The following CASZ1 variants were observed in gnomAD, a reference collection of about 807,000 sequenced individuals.
The protein encoded by CASZ1 is zinc finger protein castor homolog 1.
CASZ1 carries 28 observed loss-of-function variants against 135.2 expected under a neutral mutation model. That is an observed-to-expected ratio of 0.21 (90% CI 0.15 to 0.28). The LOEUF is 0.28. Among genes scored for constraint, CASZ1 ranks in the 10% least tolerant of loss-of-function variants. The pLI, the probability that CASZ1 is intolerant of heterozygous loss-of-function variation, is 1.00. For synonymous variants in CASZ1, 1,068 were observed against 1,073.4 expected, an observed-to-expected ratio of 0.99 and a Z score of 0.10; for missense variants, 2,161 against 2,453.3, an observed-to-expected ratio of 0.88 and a Z score of 2.52.
At chr1:10,668,490 C>T (rs115689695) in intron 4 of CASZ1, among the ~76,000 whole-genome samples, 8,262 of 152,280 alleles carry the variant, frequency 0.054, 348 homozygotes, top group African/African-American at 0.11. Flanking sequence ...GGTGGGAAGG[C>T]GAGGGGACTC....
Position 10,649,071 on chromosome 1 carries a change from T to G in CASZ1, c.3157A>C (p.Asn1053His). The change falls in exon 15 of 21, where the codon AAC becomes CAC. Residue 1053 changes from asparagine (N) to histidine (H), a missense_variant and splice_region_variant. Asn to His is a moderately conservative substitution (Grantham distance 68). Around this residue, in one of 7 missense-constraint regions of CASZ1, gnomAD observed 349 missense variants for 460.8 expected, o/e 0.76. Coordinates refer to ENST00000377022, the MANE Select transcript of CASZ1 (RefSeq NM_001079843.3). ...STLDGAIKHANFHFRTEGGAA... is the reference protein window; with the variant it reads ...STLDGAIKHAHFHFRTEGGAA... Reference sequence around the variant, plus strand: ...AATGGCCCCCAGCACCCTACTCACTTTGCGTGCTTGATGGCCCCGTCCAAG... The same window carrying G: ...AATGGCCCCCAGCACCCTACTCACTGTGCGTGCTTGATGGCCCCGTCCAAG... 1 of 1,612,884 alleles carries G rather than the reference T, an allele frequency of 6.2e-7. No homozygotes were observed. The highest frequency in any genetic ancestry group is 8.5e-7 in the Non-Finnish European group (1 of 1,179,930).
intron 1 of CASZ1, among the ~76,000 whole-genome samples, chr1:10,786,571 T>A (rs1340860421): frequency 1.3e-5 from 2 of 152,238 alleles, no homozygotes; most frequent in Non-Finnish European, 2.9e-5. Flanking sequence ...AGACATGTGG[T>A]CCTAACATTT....
intron 3 of CASZ1, among the ~76,000 whole-genome samples, chr1:10,696,183 T>C (rs201143287): frequency 8.5e-5 from 13 of 152,354 alleles, no homozygotes; most frequent in Middle Eastern, 3.4e-3. Flanking sequence ...CTGCTTGCTC[T>C]ATAGTTCTAA....
At chr1:10,712,710 C>T (rs564830754) in intron 2 of CASZ1, among the ~76,000 whole-genome samples, 179 of 152,284 alleles carry the variant, frequency 1.2e-3, no homozygotes, top group African/African-American at 3.9e-3. Flanking sequence ...AAGGGACCTC[C>T]CCTTAGGACC....
chr1:10,722,544 A>G (rs1193066900), intron 2 of CASZ1, among the ~76,000 whole-genome samples: 2 of 152,070 alleles, frequency 1.3e-5, no homozygotes, highest in Admixed American at 6.5e-5. Flanking sequence ...TCTTCCTATC[A>G]CCTTCCCAGA....
intron 2 of CASZ1, among the ~76,000 whole-genome samples, chr1:10,760,176 G>A (rs1640346523): frequency 6.6e-6 from 1 of 152,212 alleles, no homozygotes; most frequent in East Asian, 1.9e-4. Context: ...ACTGAAGAGA[G>A]CCTGATAAAT....
chr1:10,643,371 G>T, intron 18 of CASZ1, 60 bp from the exon 19 acceptor site: 1 of 1,576,822 alleles, frequency 6.3e-7, no homozygotes, highest in Non-Finnish European at 8.6e-7. Context: ...TGGCTTCCAG[G>T]TCCTGTTGGG....
intron 2 of CASZ1, among the ~76,000 whole-genome samples, chr1:10,728,182 C>T (rs1639632162): frequency 6.6e-6 from 1 of 152,242 alleles, no homozygotes; most frequent in African/African-American, 2.4e-5. Flanking sequence ...AGGACTCAGA[C>T]ACCCTGCTGG....
chr1:10,795,406 C>T (rs528177202), intron 1 of CASZ1, among the ~76,000 whole-genome samples: 1 of 152,330 alleles, frequency 6.6e-6, no homozygotes, highest in South Asian at 2.1e-4. Flanking sequence ...CAGGGCTCCT[C>T]CTCCCCAATT....
chr1:10,787,385 T>C (rs532371562), intron 1 of CASZ1, among the ~76,000 whole-genome samples: 12 of 152,286 alleles, frequency 7.9e-5, no homozygotes, highest in African/African-American at 2.4e-4. Flanking sequence ...CAGCCAGAGA[T>C]GCTGGGGCCT....
chr1:10,658,586 G>C lies in CASZ1; in HGVS notation c.1341-10C>G. 6.2e-7 allele frequency: 1 copy of C among 1,613,452 alleles called. No homozygotes were observed. Among genetic ancestry groups the C allele is most frequent in the Non-Finnish European group, 8.5e-7 (1 of 1,179,414 alleles). ...TGTGGGCAGTCCGTTCCTGGCAAGA[G>C]ACACACAGGGCACAGCCGGTGAGCA... On this transcript the variant is annotated splice_polypyrimidine_tract_variant and intron_variant, in intron 6 of 20. Transcript: ENST00000377022.
intron 4 of CASZ1, among the ~76,000 whole-genome samples, chr1:10,686,420 A>G (rs1638592755): frequency 6.6e-6 from 1 of 152,218 alleles, no homozygotes; most frequent in Non-Finnish European, 1.5e-5. Context: ...GGGGGCTTGT[A>G]TCACGCCCCC....
Position 10,659,629 on chromosome 1 carries a change from C to T in CASZ1, c.1340+73G>A. On this transcript the variant is annotated intron_variant, in intron 6 of 20. Transcript: ENST00000377022. The stretch of plus-strand genomic sequence containing the variant: ...AGGTGTGTCCTCAAGCACGGGCAAC[C>T]CTGGTGAGGAAGGAGGCCTCCTGTC... 3 of 1,244,270 alleles carry T rather than the reference C, an allele frequency of 2.4e-6. No homozygotes were observed. In the South Asian group the frequency reaches 3.7e-5, roughly 16 times the overall value. 77.1% of individuals were successfully genotyped at this position (1,244,270 alleles called of 1,614,324 possible).
chr1:10,766,591 G>A (rs562502747), intron 1 of CASZ1, among the ~76,000 whole-genome samples: 81 of 152,282 alleles, frequency 5.3e-4, no homozygotes, highest in Middle Eastern at 3.4e-3. Flanking sequence ...GGTAACACCC[G>A]GGTAACGAGC....
intron 1 of CASZ1, among the ~76,000 whole-genome samples, chr1:10,789,890 A>C (rs1640924654): frequency 6.6e-6 from 1 of 152,112 alleles, no homozygotes; most frequent in Non-Finnish European, 1.5e-5. Context: ...CGCTTGATTA[A>C]TTTTTGCAGA....
In CASZ1 at chr1:10,647,458, G is replaced by A; in HGVS notation, c.3497+343C>T. On this transcript the variant is annotated intron_variant, in intron 16 of 20. Coordinates refer to ENST00000377022, the MANE Select transcript of CASZ1 (RefSeq NM_001079843.3). This position sits in a 1 kb window ranked among gnomAD's most constrained non-coding sequence, Gnocchi z 4.9. ...CAGAGGAGGCCAATACGGAGGCTCG[G>A]AGGGAGACGCAGCCCTCCTTGTCAG... 2.5e-6 allele frequency: 3 copies of A among 1,211,012 alleles called. No homozygotes were observed. Among genetic ancestry groups the A allele is most frequent in the South Asian group, 1.8e-5 (1 of 56,844 alleles). The allele number at this position is 1,211,012 out of a possible 1,614,324, so 75.0% of individuals were successfully genotyped here.
At chr1:10,681,669 G>C (rs1638425594) in intron 4 of CASZ1, among the ~76,000 whole-genome samples, 1 of 152,254 alleles carries the variant, frequency 6.6e-6, no homozygotes, top group South Asian at 2.1e-4. Context: ...TCAGCGCAGT[G>C]TCTGGCCCAA....
Position 10,711,713 on chromosome 1 carries a change from G to A in CASZ1, c.-76-6169C>T, listed in dbSNP as rs1639289611. 6.6e-6 allele frequency among the ~76,000 whole-genome samples: 1 copy of A among 152,170 alleles called. No individual in the cohort carries two copies. The highest frequency in any genetic ancestry group is 6.5e-5 in the Admixed American group (1 of 15,284). ...GACTGAGAAATGGACATACAACATG[G>A]AGTCTGTCCATACTATTGAATATTA... On this transcript the variant is annotated intron_variant, in intron 2 of 20. Coordinates refer to ENST00000377022, the MANE Select transcript of CASZ1 (RefSeq NM_001079843.3). The surrounding 1 kb of genome is among the most constrained non-coding windows in gnomAD (Gnocchi z 4.4).
intron 4 of CASZ1, among the ~76,000 whole-genome samples, chr1:10,677,689 C>T (rs1390377787): frequency 1.3e-5 from 2 of 152,250 alleles, no homozygotes; most frequent in Admixed American, 6.5e-5. Context: ...GATCCAGGGG[C>T]CCAGTTCCCA....
Sources: allele counts gnomAD v4.1 joint callset (sites outside exome capture counted in the v4.1 genomes callset), GRCh38; gene constraint gnomAD v4.1.1; regional missense constraint gnomAD v4.1.1; non-coding constraint Gnocchi (gnomAD v3.1); transcripts MANE v1.5; gene names NCBI Gene and HGNC (gene_info 2026-07-23, HGNC 2026-07-21).